The following CATSPERE variants were observed in gnomAD, a reference collection of about 807,000 sequenced individuals.
CATSPERE encodes cation channel sperm-associated auxiliary subunit epsilon.
CATSPERE carries 93 observed loss-of-function variants against 114.1 expected under a neutral mutation model. The ratio of observed to expected loss-of-function variants is 0.81; its 90% CI spans 0.69 to 0.97. The LOEUF is 0.97. Among genes scored for constraint, CATSPERE ranks in the 50% least tolerant of loss-of-function variants. CATSPERE has a pLI of 0.00. For synonymous variants in CATSPERE, 341 were observed against 384.1 expected (o/e 0.89, Z 1.31); for missense variants, 1,058 against 1,131.6 (o/e 0.93, Z 0.93).
intron 17 of CATSPERE, among the ~76,000 whole-genome samples, chr1:244,594,026 T>C (rs1668057956): frequency 1.3e-5 from 2 of 152,328 alleles, no homozygotes; most frequent in South Asian, 4.1e-4. Flanking sequence ...TCAATTCTTA[T>C]AGACAATATT....
In CATSPERE at chr1:244,560,679, A is replaced by G; in HGVS notation, c.1041A>G (p.Arg347=). 2 of 1,587,122 alleles carry G rather than the reference A, an allele frequency of 1.3e-6. No individual in the cohort carries two copies. Among genetic ancestry groups the G allele is most frequent in the Non-Finnish European group, 1.7e-6 (2 of 1,168,324 alleles). Residue 347 remains arginine (R), a synonymous_variant, in exon 10 of 22, where the codon AGA becomes AGG. Coordinates refer to ENST00000366534, the MANE Select transcript of CATSPERE (RefSeq NM_001130957.2). ...WVNYLLKAKG[R]RSTFAVWTEN... ...TCATTTTGTCACAGGCTAAAGGAAG[A>G]AGAAGCACCTTTGCAGTCTGGACAG...
intron 7 of CATSPERE, among the ~76,000 whole-genome samples, chr1:244,499,953 TC>T (rs1045167997): frequency 3.3e-5 from 5 of 152,174 alleles, no homozygotes; most frequent in African/African-American, 1.2e-4. Context: ...TAATTTACAC[TC>T]CCACCAACAG....
chr1:244,589,904 C>T (rs941076617), intron 14 of CATSPERE, among the ~76,000 whole-genome samples: 1 of 152,154 alleles, frequency 6.6e-6, no homozygotes. Context: ...TGACCCACTT[C>T]CCTGGAACCC....
rs150343543 is a variant in CATSPERE at position 244,624,530 on chromosome 1, G to A, written c.2648+6844G>A. ...TCTCAAGAAAGCAACGCTGGGTGTGGTGGCTCATGCCTGTAATCCTAGCAC... is the reference window on the plus strand; with the variant it reads ...TCTCAAGAAAGCAACGCTGGGTGTGATGGCTCATGCCTGTAATCCTAGCAC... On this transcript the variant is annotated intron_variant, in intron 20 of 21. Coordinates refer to ENST00000366534, the MANE Select transcript of CATSPERE (RefSeq NM_001130957.2). 1.2e-4 allele frequency among the ~76,000 whole-genome samples: 19 copies of A among 152,266 alleles called. No homozygotes were observed. In the East Asian group the frequency reaches 3.5e-3, roughly 28 times the overall value.
intron 20 of CATSPERE, among the ~76,000 whole-genome samples, chr1:244,630,878 T>C (rs1273831830): frequency 1.3e-5 from 2 of 152,130 alleles, no homozygotes; most frequent in Non-Finnish European, 2.9e-5. Flanking sequence ...CATCTCAACT[T>C]CATTTAATGC....
chr1:244,502,900 C>T (rs1674283843), intron 7 of CATSPERE, among the ~76,000 whole-genome samples: 1 of 152,162 alleles, frequency 6.6e-6, no homozygotes, highest in Non-Finnish European at 1.5e-5. Context: ...GAGAAAGGTT[C>T]CCATCCCCCA....
At chr1:244,615,793 G>C (rs989510044) in intron 19 of CATSPERE, among the ~76,000 whole-genome samples, 1 of 151,878 alleles carries the variant, frequency 6.6e-6, no homozygotes. Context: ...AATCAGAACT[G>C]TACCTCGCAT....
chr1:244,459,729 G>A (rs1436970904), upstream of CATSPERE, among the ~76,000 whole-genome samples: 1 of 152,164 alleles, frequency 6.6e-6, no homozygotes, highest in Non-Finnish European at 1.5e-5. Flanking sequence ...TTTTAAAATT[G>A]GGAATTGTAC....
In CATSPERE at chr1:244,603,306, A is replaced by C. The variant is rs578092964; in HGVS notation, c.2304-2389A>C. 6.6e-5 allele frequency among the ~76,000 whole-genome samples: 10 copies of C among 152,278 alleles called. No homozygotes were observed. In the East Asian group the frequency reaches 1.9e-3, roughly 29 times the overall value. On this transcript the variant is annotated intron_variant, in intron 17 of 21. Transcript: ENST00000366534. ...GTGGTTAATACAATGGGATAGCCACAAGGATTTGTCTAATAGGTTTGCAGG... is the reference window on the plus strand; with the variant it reads ...GTGGTTAATACAATGGGATAGCCACCAGGATTTGTCTAATAGGTTTGCAGG...
At chr1:244,578,666 G>GCT (rs961793031) in intron 11 of CATSPERE, among the ~76,000 whole-genome samples, 9 of 148,160 alleles carry the variant, frequency 6.1e-5, no homozygotes, top group African/African-American at 1.2e-4. Flanking sequence ...TATATATATA[G>GCT]CTCTCTCTCT....
At position 244,461,547 on chromosome 1, in the gene CATSPERE, G is replaced by T. The variant is rs181447028; in HGVS notation, c.65+53G>T. ...GACTAGGCGGGGATTACCCCCGGCG[G>T]GGCAGGCGGGAGGGTCCTGCTCTCC... is the stretch of plus-strand genomic sequence containing the variant. On this transcript the variant is annotated intron_variant, in intron 1 of 21. Transcript: ENST00000366534. 58 of 1,253,606 alleles carry T rather than the reference G, an allele frequency of 4.6e-5. No individual in the cohort carries two copies. In the Admixed American group the frequency reaches 2.1e-3, roughly 46 times the overall value. The allele number at this position is 1,253,606 out of a possible 1,614,324, so 77.7% of individuals were successfully genotyped here. A position where few individuals can be genotyped will look rare whatever the true frequency, so the allele number is the denominator to read the frequency against.
upstream of CATSPERE, among the ~76,000 whole-genome samples, chr1:244,458,256 A>G (rs1251530271): frequency 3.9e-5 from 6 of 152,200 alleles, no homozygotes; most frequent in African/African-American, 1.4e-4. Context: ...TAAATATGTT[A>G]TTGGTATGTG....
intron 6 of CATSPERE, among the ~76,000 whole-genome samples, chr1:244,491,567 C>T (rs9628696): frequency 0.29 from 44,598 of 151,834 alleles, 8,478 homozygotes; most frequent in African/African-American, 0.55. Context: ...ATTCAAAAGG[C>T]AGCAGAAGGC....
In CATSPERE at chr1:244,583,959, G is replaced by C; in HGVS notation, c.2085+20G>C. On this transcript the variant is annotated intron_variant, in intron 13 of 21. Transcript: ENST00000366534. ...CAAAAGGTAAGCGACATGGGCTGAA[G>C]ACCCAAATATTTCACTTCAAGAATG... 6.2e-7 allele frequency: 1 copy of C among 1,608,370 alleles called. No homozygotes were observed. The highest frequency in any genetic ancestry group is 8.5e-7 in the Non-Finnish European group (1 of 1,175,122).
intron 18 of CATSPERE, among the ~76,000 whole-genome samples, 180 bp from the exon 19 acceptor site, chr1:244,610,060 C>T (rs1400686461): frequency 6.6e-6 from 1 of 152,138 alleles, no homozygotes; most frequent in Non-Finnish European, 1.5e-5. Flanking sequence ...AAAATTCTCT[C>T]AACACAAGAT....
intron 10 of CATSPERE, among the ~76,000 whole-genome samples, chr1:244,570,208 T>C (rs1034944735): frequency 6.6e-6 from 1 of 152,186 alleles, no homozygotes; most frequent in African/African-American, 2.4e-5. Flanking sequence ...TCATTTTATG[T>C]AGATTTTCTA....
At chr1:244,485,767 A>T (rs1670912023) in intron 5 of CATSPERE, among the ~76,000 whole-genome samples, 1 of 148,794 alleles carries the variant, frequency 6.7e-6, no homozygotes, top group Non-Finnish European at 1.5e-5. Flanking sequence ...GTGCAATCGT[A>T]GCTCACGTAA....
intron 10 of CATSPERE, among the ~76,000 whole-genome samples, chr1:244,563,431 T>C (rs1330082956): frequency 6.6e-6 from 1 of 152,236 alleles, no homozygotes; most frequent in Non-Finnish European, 1.5e-5. Context: ...CATCTGTTGT[T>C]TCCTGACTTT....
At chr1:244,453,303 T>C (rs1177747220), upstream of CATSPERE, among the ~76,000 whole-genome samples, 1 of 152,244 alleles carries the variant, frequency 6.6e-6, no homozygotes, top group East Asian at 1.9e-4. Context: ...TAGTAGATAC[T>C]GAATAAGCAC....
Sources: gnomAD v4.1 joint callset for allele counts (sites outside exome capture counted in the v4.1 genomes callset) on GRCh38, gnomAD v4.1.1 for gene constraint, MANE v1.5 for transcripts, NCBI Gene and HGNC (gene_info 2026-07-23, HGNC 2026-07-21) for gene names.